The following FNDC1 variants were observed in gnomAD, a reference collection of about 807,000 sequenced individuals.
FNDC1 encodes fibronectin type III domain containing 1.
A neutral mutation model predicts 168.0 loss-of-function variants in FNDC1; 96 were observed. The ratio of observed to expected loss-of-function variants is 0.57; its 90% confidence interval spans 0.48 to 0.68. The LOEUF (loss-of-function observed/expected upper bound fraction) is 0.68. FNDC1 is among the 30% of genes least tolerant of loss of function. FNDC1 has a pLI of 0.00. For synonymous variants in FNDC1, 1,099 were observed against 1,025.9 expected (o/e 1.07, Z -1.36); for missense variants, 2,587 against 2,482.1 (o/e 1.04, Z -0.90).
chr6:159,203,490 C>T (rs1782418418), intron 4 of FNDC1, among the ~76,000 whole-genome samples: 1 of 152,158 alleles, frequency 6.6e-6, no homozygotes, highest in African/African-American at 2.4e-5. Context: ...TATGAAACCT[C>T]TCAGCACTCA....
intron 18 of FNDC1, among the ~76,000 whole-genome samples, chr6:159,258,010 C>G (rs1777410219): frequency 6.6e-6 from 1 of 150,712 alleles, no homozygotes; most frequent in Non-Finnish European, 1.5e-5. Flanking sequence ...CACAGAGCTA[C>G]TTACAACAGA....
chr6:159,235,172 G>A (rs926479152), intron 11 of FNDC1, among the ~76,000 whole-genome samples: 1 of 152,196 alleles, frequency 6.6e-6, no homozygotes, highest in Non-Finnish European at 1.5e-5. Flanking sequence ...CTATAACAGA[G>A]GGTTGAACAA....
intron 19 of FNDC1, among the ~76,000 whole-genome samples, chr6:159,264,491 G>A (rs1285477054): frequency 6.6e-6 from 1 of 152,230 alleles, no homozygotes; most frequent in African/African-American, 2.4e-5. Context: ...CAGATCACCT[G>A]TTGATAAACA....
At chr6:159,261,387 G>T in intron 19 of FNDC1, 118 bp downstream of exon 19, 2 of 667,330 alleles carry the variant, frequency 3.0e-6, no homozygotes, top group Non-Finnish European at 2.5e-6. Context: ...GCTCATGTTG[G>T]ATATCAGTTT....
At position 159,232,446 on chromosome 6, in the gene FNDC1, T is replaced by C; in HGVS notation, c.1934T>C (p.Val645Ala). 4 of 1,611,928 alleles carry C rather than the reference T, an allele frequency of 2.5e-6. No individual in the cohort carries two copies. The highest frequency in any genetic ancestry group is 3.4e-6 in the Non-Finnish European group (4 of 1,178,560). ...GCCAGCTTGAATGACAACGACTTGG[T>C]GGACTCAGACGAAGATGAGCGCGCT... ...LPASLNDNDLVDSDEDERAVG... is the reference protein window; with the variant it reads ...LPASLNDNDLADSDEDERAVG... The change falls in exon 11 of 23, where the codon GTG (valine) becomes GCG (alanine). Residue 645 changes from valine to alanine, a missense_variant. Coordinates refer to ENST00000297267, the MANE Select transcript of FNDC1 (RefSeq NM_032532.3). The surrounding 1 kb of genome is among the most constrained non-coding windows in gnomAD (Gnocchi z 4.9).
At chr6:159,179,373 C>T (rs933025805) in intron 1 of FNDC1, among the ~76,000 whole-genome samples, 10 of 152,188 alleles carry the variant, frequency 6.6e-5, no homozygotes, top group African/African-American at 1.9e-4. Flanking sequence ...GCAAGAGAAT[C>T]GCTTGAACCC....
intron 2 of FNDC1, among the ~76,000 whole-genome samples, chr6:159,198,101 T>G (rs940285222): frequency 1.3e-5 from 2 of 152,196 alleles, no homozygotes; most frequent in Non-Finnish European, 2.9e-5. Context: ...AAATTTGACT[T>G]TAACTTGATT....
At chr6:159,189,841 T>C (rs534373549) in intron 1 of FNDC1, among the ~76,000 whole-genome samples, 1 of 152,362 alleles carries the variant, frequency 6.6e-6, no homozygotes, top group South Asian at 2.1e-4. Flanking sequence ...TGTTTTTATA[T>C]TGCTTGTATT....
intron 22 of FNDC1, among the ~76,000 whole-genome samples, chr6:159,269,268 CT>C (rs1283994223): frequency 1.8e-4 from 14 of 79,368 alleles, no homozygotes; most frequent in Non-Finnish European, 3.1e-4. Flanking sequence ...ATCTATCTAT[CT>C]ATCTATCTAT....
At chr6:159,196,624 C>G (rs1782246048) in intron 1 of FNDC1, among the ~76,000 whole-genome samples, 1 of 152,184 alleles carries the variant, frequency 6.6e-6, no homozygotes. Flanking sequence ...TAGTCAGTTT[C>G]AGTTCCAGGT....
intron 14 of FNDC1, among the ~76,000 whole-genome samples, chr6:159,245,503 A>G (rs1041000535): frequency 2.0e-5 from 3 of 152,106 alleles, no homozygotes; most frequent in African/African-American, 2.4e-5. Flanking sequence ...TTTAGCTATA[A>G]AACCTTTTGC....
intron 4 of FNDC1, 107 bp downstream of exon 4, chr6:159,200,688 C>A: frequency 1.2e-6 from 1 of 834,090 alleles, no homozygotes; most frequent in Non-Finnish European, 1.9e-6. Flanking sequence ...TCACTGAGTT[C>A]CCATCGCTAA....
intron 22 of FNDC1, among the ~76,000 whole-genome samples, chr6:159,268,858 A>G (rs1037717883): frequency 3.9e-5 from 4 of 102,936 alleles, no homozygotes; most frequent in African/African-American, 1.3e-4. Flanking sequence ...CTATCTATCT[A>G]TCTATCCATA....
Position 159,215,128 on chromosome 6 carries a change from G to A in FNDC1, c.644G>A (p.Arg215Gln), listed in dbSNP as rs781125048. The A allele has an allele frequency of 3.5e-5, 57 of 1,613,698 alleles. No homozygotes were observed. The South Asian group carries it at 4.5e-4, about 13-fold the overall frequency. ...TATGTTCCACTGACAAGAGATGAAC[G>A]GACACACGAAATTAAAAAGCTAGGT... Reference protein sequence around the residue: ...MNYVPLTRDERTHEIKKLASE... With the variant: ...MNYVPLTRDEQTHEIKKLASE... Residue 215 changes from arginine to glutamine, a missense_variant, in exon 5 of 23, where the codon CGG (arginine) becomes CAG (glutamine). By Grantham distance (43) the Arg-to-Gln change is conservative. Coordinates refer to ENST00000297267, the MANE Select transcript of FNDC1 (RefSeq NM_032532.3).
At chr6:159,204,366 A>G (rs111791708) in intron 4 of FNDC1, among the ~76,000 whole-genome samples, 7 of 152,238 alleles carry the variant, frequency 4.6e-5, no homozygotes, top group African/African-American at 1.7e-4. Flanking sequence ...CATGGAGTTA[A>G]AGTTACAGAT....
At chr6:159,266,723 A>G (rs1441713084) in intron 21 of FNDC1, among the ~76,000 whole-genome samples, 1 of 149,884 alleles carries the variant, frequency 6.7e-6, no homozygotes, top group Non-Finnish European at 1.5e-5. Context: ...AATAATGAGT[A>G]CGAGCGTGAG....
At chr6:159,211,696 A>C (rs1782609943) in intron 4 of FNDC1, among the ~76,000 whole-genome samples, 1 of 152,130 alleles carries the variant, frequency 6.6e-6, no homozygotes, top group African/African-American at 2.4e-5. Context: ...CATTTTTGTC[A>C]GGCCCACAAA....
At chr6:159,225,817 C>A (rs917678406) in intron 8 of FNDC1, 95 bp downstream of exon 8, 4 of 1,111,650 alleles carry the variant, frequency 3.6e-6, no homozygotes, top group Non-Finnish European at 5.0e-6. Flanking sequence ...TGACAAAGGC[C>A]AGCGTGGGCA....
chr6:159,240,364 A>G (rs1783392896), intron 14 of FNDC1, among the ~76,000 whole-genome samples: 1 of 152,216 alleles, frequency 6.6e-6, no homozygotes, highest in Non-Finnish European at 1.5e-5. Flanking sequence ...ATATATGTAT[A>G]TACTTAAAAG....
Sources: gnomAD v4.1 joint callset for allele counts (sites outside exome capture counted in the v4.1 genomes callset) on GRCh38, gnomAD v4.1.1 for gene constraint, Gnocchi (gnomAD v3.1) non-coding constraint, MANE v1.5 for transcripts, NCBI Gene and HGNC (gene_info 2026-07-23, HGNC 2026-07-21) for gene names.